Variants in TMEM117 observed in about 807,000 individuals in gnomAD.
TMEM117 encodes transmembrane protein 117.
Under a neutral mutation model 52.4 loss-of-function variants are expected in TMEM117, and 27 were observed. The ratio of observed to expected loss-of-function variants is 0.51; its 90% CI spans 0.38 to 0.71. TMEM117 has a LOEUF of 0.71. Ranked by LOEUF, TMEM117 falls within the 30% of genes least tolerant of loss-of-function variation. TMEM117 has a pLI of 0.00. For synonymous variants in TMEM117, 215 were observed against 206.3 expected (o/e 1.04, Z -0.36); for missense variants, 556 against 630.5 (o/e 0.88, Z 1.26).
intron 3 of TMEM117, among the ~76,000 whole-genome samples, chr12:44,130,448 A>G (rs1948395986): frequency 6.6e-6 from 1 of 152,196 alleles, no homozygotes; most frequent in Non-Finnish European, 1.5e-5. Context: ...TACCACTTAT[A>G]CAACTTCTCT....
intron 3 of TMEM117, among the ~76,000 whole-genome samples, chr12:44,072,808 T>A (rs1947322429): frequency 6.6e-6 from 1 of 152,130 alleles, no homozygotes; most frequent in Non-Finnish European, 1.5e-5. Flanking sequence ...AACCACATTG[T>A]CGGCCAGGCA....
At chr12:44,210,913 A>T (rs1204126771) in intron 4 of TMEM117, among the ~76,000 whole-genome samples, 1 of 152,148 alleles carries the variant, frequency 6.6e-6, no homozygotes, top group African/African-American at 2.4e-5. Flanking sequence ...TTGATTAATG[A>T]TATCGCTAAA....
At chr12:44,152,557 T>C (rs1306383251) in intron 4 of TMEM117, among the ~76,000 whole-genome samples, 143 of 118,190 alleles carry the variant, frequency 1.2e-3, no homozygotes, top group Non-Finnish European at 1.9e-3. Flanking sequence ...TTATATATAA[T>C]ATTTATATCA....
At chr12:44,193,316 TAAAAC>T in intron 4 of TMEM117, among the ~76,000 whole-genome samples, 1 of 152,252 alleles carries the variant, frequency 6.6e-6, no homozygotes, top group South Asian at 2.1e-4. Flanking sequence ...TTTTTTAAAA[TAAAAC>T]AGACGGATAA....
intron 3 of TMEM117, among the ~76,000 whole-genome samples, chr12:43,959,338 T>C (rs2137657920): frequency 6.6e-6 from 1 of 152,336 alleles, no homozygotes; most frequent in East Asian, 1.9e-4. Context: ...GAAAAGACTC[T>C]CTGGTTTGTA....
chr12:44,280,583 A>C (rs564230915), intron 5 of TMEM117, among the ~76,000 whole-genome samples: 2 of 152,024 alleles, frequency 1.3e-5, no homozygotes, highest in East Asian at 3.9e-4. Flanking sequence ...TTCCTGAGGT[A>C]TGATTATTTG....
rs1264179472 is a variant in TMEM117 at position 44,090,839 on chromosome 12, G to GTTTTTTTTT, written c.411-52685_411-52677dup. ...CTAATTCTTAATCCTGTATTTATGT[G>GTTTTTTTTT]TTTTTTTTTGTTTTTTTTTTTTTTT... is the stretch of plus-strand genomic sequence containing the variant. On this transcript the variant is annotated intron_variant, in intron 3 of 7. Coordinates refer to ENST00000266534, the MANE Select transcript of TMEM117 (RefSeq NM_032256.3). Among the ~76,000 whole-genome samples, 175 of 104,772 alleles carry GTTTTTTTTT rather than the reference G, an allele frequency of 1.7e-3. 23 individuals carry two copies. Among genetic ancestry groups the GTTTTTTTTT allele is most frequent in the African/African-American group, 6.9e-3 (152 of 22,118 alleles). The allele number at this position is 104,772 out of a possible 152,430, so 68.7% of individuals were successfully genotyped here.
At chr12:44,010,345 T>C in intron 3 of TMEM117, 1 of 425,570 alleles carries the variant, frequency 2.3e-6, no homozygotes. Context: ...TCCCTGCTGC[T>C]CTGGGTATTG....
chr12:44,397,153 G>T, the TMEM117 span, among the ~76,000 whole-genome samples: 1 of 152,150 alleles, frequency 6.6e-6, no homozygotes, highest in Non-Finnish European at 1.5e-5. Flanking sequence ...AAGCATGAGA[G>T]AGTTAAAACA....
intron 3 of TMEM117, among the ~76,000 whole-genome samples, chr12:44,097,190 G>A (rs932741046): frequency 1.3e-5 from 2 of 152,110 alleles, no homozygotes; most frequent in East Asian, 1.9e-4. Flanking sequence ...AGTTAGAATG[G>A]CGATGATTAA....
At chr12:44,089,779 G>C (rs1947632132) in intron 3 of TMEM117, among the ~76,000 whole-genome samples, 1 of 152,050 alleles carries the variant, frequency 6.6e-6, no homozygotes, top group African/African-American at 2.4e-5. Context: ...TTTTCTTAAA[G>C]ACAGTAAGTA....
At chr12:44,039,187 T>C (rs1046577657) in intron 3 of TMEM117, among the ~76,000 whole-genome samples, 1 of 152,176 alleles carries the variant, frequency 6.6e-6, no homozygotes, top group Non-Finnish European at 1.5e-5. Flanking sequence ...CTAACTGTTT[T>C]AAAGCTTTAC....
chr12:44,368,025 T>C (rs1339306179), intron 6 of TMEM117, among the ~76,000 whole-genome samples: 1 of 152,156 alleles, frequency 6.6e-6, no homozygotes, highest in East Asian at 1.9e-4. Flanking sequence ...GTGACCATTG[T>C]TACCTTGCTG....
chr12:44,138,151 C>G (rs920484965), intron 3 of TMEM117, among the ~76,000 whole-genome samples: 2 of 152,094 alleles, frequency 1.3e-5, no homozygotes, highest in African/African-American at 4.8e-5. Context: ...TCCAGGACTT[C>G]TGCTTCTCCA....
chr12:44,181,382 C>T (rs2138313934), intron 4 of TMEM117, among the ~76,000 whole-genome samples: 1 of 152,194 alleles, frequency 6.6e-6, no homozygotes, highest in East Asian at 1.9e-4. Context: ...TCAATTTTGT[C>T]TTCTGTTGCC....
intron 6 of TMEM117, among the ~76,000 whole-genome samples, chr12:44,346,809 T>G (rs1231830346): frequency 6.6e-6 from 1 of 152,040 alleles, no homozygotes; most frequent in African/African-American, 2.4e-5. Flanking sequence ...AAAGATGCCA[T>G]AGGCCAAAAT....
At chr12:43,921,022 C>T (rs927707384) in intron 2 of TMEM117, among the ~76,000 whole-genome samples, 2 of 152,068 alleles carry the variant, frequency 1.3e-5, no homozygotes, top group Non-Finnish European at 2.9e-5. Context: ...AGCTTGTTCC[C>T]GTTCTTATAA....
rs780938996 is a variant in TMEM117 at position 44,282,903 on chromosome 12, G to A, written c.609-16677G>A. ...TTCGTGGGCTGGGCCCAGGGTCCTCGTGCTGTGTGCAGCCTAGGGACTTGG... is the reference window on the plus strand; with the variant it reads ...TTCGTGGGCTGGGCCCAGGGTCCTCATGCTGTGTGCAGCCTAGGGACTTGG... On this transcript the variant is annotated intron_variant, in intron 5 of 7. Coordinates refer to ENST00000266534, the MANE Select transcript of TMEM117 (RefSeq NM_032256.3). Among the ~76,000 whole-genome samples the A allele has an allele frequency of 5.9e-5, 9 of 152,176 alleles. No individual in the cohort carries two copies. In the East Asian group the frequency reaches 7.7e-4, roughly 13 times the overall value.
chr12:44,213,019 A>C (rs956584413), intron 5 of TMEM117, among the ~76,000 whole-genome samples: 2 of 152,184 alleles, frequency 1.3e-5, no homozygotes, highest in Admixed American at 6.6e-5. Flanking sequence ...CCTCATCTTC[A>C]TGGGTCACAT....
Sources: allele counts gnomAD v4.1 joint callset (sites outside exome capture counted in the v4.1 genomes callset), GRCh38; gene constraint gnomAD v4.1.1; transcripts MANE v1.5; gene names NCBI Gene and HGNC (gene_info 2026-07-23, HGNC 2026-07-21).